LAMA3: variants seen among roughly 807,000 people sequenced by gnomAD.
The protein encoded by LAMA3 is laminin subunit alpha 3.
In LAMA3, 281 loss-of-function variants were observed where a neutral mutation model predicts 402.0. The observed-to-expected ratio is 0.70, with a 90% CI of 0.63 to 0.77. The LOEUF (loss-of-function observed/expected upper bound fraction) is 0.77, where lower values mean the gene tolerates loss of function less well. Among genes scored for constraint, LAMA3 ranks in the 30% least tolerant of loss-of-function variants. LAMA3 has a pLI of 0.00. For synonymous variants in LAMA3, 1,431 were observed against 1,558.4 expected, an observed-to-expected ratio of 0.92 and a Z score of 1.93; for missense variants, 3,840 against 4,215.5, an observed-to-expected ratio of 0.91 and a Z score of 2.47.
intron 31 of LAMA3, among the ~76,000 whole-genome samples, chr18:23,846,984 G>T (rs1443821723): frequency 6.6e-6 from 1 of 152,182 alleles, no homozygotes; most frequent in Non-Finnish European, 1.5e-5. Flanking sequence ...GTGGTCCGAG[G>T]GGTAGGGTAA....
In LAMA3 at chr18:23,820,105, C is replaced by T. The variant is rs1259882101; in HGVS notation, c.2304+108C>T. 46 of 1,120,764 alleles carry T rather than the reference C, an allele frequency of 4.1e-5. 1 individual carries two copies. The highest frequency in any genetic ancestry group is 2.3e-4 in the Middle Eastern group (1 of 4,424). 69.4% of individuals were successfully genotyped at this position (1,120,764 alleles called of 1,614,324 possible). ...TGACCTGTCCCCAGAACTGATTCCA[C>T]GATTCTTTTTCTCTATATTATGGGT... is the stretch of plus-strand genomic sequence containing the variant. On this transcript the variant is annotated intron_variant, in intron 19 of 74. Coordinates refer to ENST00000313654, the MANE Select transcript of LAMA3 (RefSeq NM_198129.4).
chr18:23,724,822 G>A (rs2061270751), intron 2 of LAMA3, among the ~76,000 whole-genome samples: 1 of 152,104 alleles, frequency 6.6e-6, no homozygotes, highest in Admixed American at 6.5e-5. Flanking sequence ...GGCGTCTCAG[G>A]GGAGTCACTG....
chr18:23,797,981 G>C (rs192839484), intron 12 of LAMA3, among the ~76,000 whole-genome samples: 77 of 152,196 alleles, frequency 5.1e-4, no homozygotes, highest in African/African-American at 1.7e-3. Context: ...ATTTATGTTT[G>C]TGGGTTTTTT....
chr18:23,901,199 A>C lies in LAMA3; in HGVS notation c.6077A>C (p.Asp2026Ala). 1 of 1,614,218 alleles carries C rather than the reference A, an allele frequency of 6.2e-7. No individual in the cohort carries two copies. Among genetic ancestry groups the C allele is most frequent in the Non-Finnish European group, 8.5e-7 (1 of 1,180,030 alleles). Residue 2026 changes from aspartate to alanine, a missense_variant, in exon 48 of 75, where the codon GAT becomes GCT. Asp to Ala is a moderately radical substitution (Grantham distance 126, BLOSUM62 -2). This residue lies in a region of LAMA3 where 891 missense variants were observed against 857.5 expected (regional missense o/e 1.04). Transcript: ENST00000313654. ...AATGGGCTTGCTAACAGTATCCGGG[A>C]TTCTTTAAATGAATACGAAGCCAAA... is the stretch of plus-strand genomic sequence containing the variant. ...ENNGLANSIR[D>A]SLNEYEAKLS... is the part of the protein sequence containing the mutation.
intron 73 of LAMA3, among the ~76,000 whole-genome samples, chr18:23,952,401 C>T (rs1303847747): frequency 1.3e-5 from 2 of 152,126 alleles, no homozygotes; most frequent in African/African-American, 2.4e-5. Context: ...GCAAGCATTT[C>T]CTCTCAAAAA....
rs372134687 is a variant in LAMA3, at chr18:23,736,407, A to T, written c.448-11536A>T. Among the ~76,000 whole-genome samples the T allele has an allele frequency of 7.9e-5, 12 of 151,254 alleles. No homozygotes were observed. The East Asian group carries it at 1.9e-3, about 24-fold the overall frequency. On this transcript the variant is annotated intron_variant, in intron 2 of 74. Coordinates refer to ENST00000313654, the MANE Select transcript of LAMA3 (RefSeq NM_198129.4). ...GGTATTTGTATGGTCAATTAGTGAG[A>T]CTATCTTTCACATTGATCATATTGT...
intron 8 of LAMA3, among the ~76,000 whole-genome samples, chr18:23,772,278 G>A (rs1318763899): frequency 6.6e-6 from 1 of 152,180 alleles, no homozygotes; most frequent in African/African-American, 2.4e-5. Context: ...CTGACCTTGT[G>A]ACCCACCCAC....
intron 2 of LAMA3, among the ~76,000 whole-genome samples, chr18:23,729,214 G>A (rs2061350995): frequency 6.6e-6 from 1 of 151,734 alleles, no homozygotes; most frequent in Non-Finnish European, 1.5e-5. Context: ...CTGGAGTACA[G>A]AATAATATTC....
chr18:23,836,106 TACAC>T (rs10569981), intron 24 of LAMA3, among the ~76,000 whole-genome samples: 22,648 of 148,028 alleles, frequency 0.15, 1,699 homozygotes, highest in Middle Eastern at 0.27. Context: ...TTTTAATGGA[TACAC>T]ACACACACAC....
At chr18:23,913,244 G>T (rs2081496888) in intron 56 of LAMA3, among the ~76,000 whole-genome samples, 1 of 152,186 alleles carries the variant, frequency 6.6e-6, no homozygotes, top group South Asian at 2.1e-4. Context: ...TACCAAGGAG[G>T]AGTAGCTCCT....
In LAMA3 at chr18:23,918,952, C is replaced by T. The variant is rs1332026460; in HGVS notation, c.7924-1983C>T. 2.0e-5 allele frequency among the ~76,000 whole-genome samples: 3 copies of T among 152,220 alleles called. No homozygotes were observed. The highest frequency in any genetic ancestry group is 7.2e-5 in the African/African-American group (3 of 41,466). The stretch of plus-strand genomic sequence containing the variant: ...AAGGTCCCAGCCAGCCTGAAGGATA[C>T]ATAGAGCAGAGAAGTCATCCAGCAT... On this transcript the variant is annotated intron_variant, in intron 60 of 74. Transcript: ENST00000313654. The surrounding 1 kb of genome is among the most constrained non-coding windows in gnomAD (Gnocchi z 4.1).
chr18:23,849,876 A>G (rs2063905658), intron 32 of LAMA3, among the ~76,000 whole-genome samples: 1 of 152,246 alleles, frequency 6.6e-6, no homozygotes, highest in South Asian at 2.1e-4. Flanking sequence ...GCATCTTCCC[A>G]TGATCAAAGT....
At chr18:23,859,905 C>A (rs2064173938) in intron 34 of LAMA3, among the ~76,000 whole-genome samples, 1 of 152,166 alleles carries the variant, frequency 6.6e-6, no homozygotes, top group Admixed American at 6.5e-5. Flanking sequence ...GGCTACAAGC[C>A]CCCATCCTGA....
rs765510866 is a variant in LAMA3, at chr18:23,819,995, C to A, written c.2302C>A (p.Gln768Lys). 3.7e-6 allele frequency: 6 copies of A among 1,614,016 alleles called. No homozygotes were observed. The highest frequency in any genetic ancestry group is 5.1e-6 in the Non-Finnish European group (6 of 1,179,946). The stretch of plus-strand genomic sequence containing the variant: ...AGGATATGCCCAAATGACCTCAGTA[C>A]AGGTACGCAACCCGAAGAGAGCAGC... ...WRGYAQMTSV[Q>K]NDVRITLNVG... Residue 768 changes from glutamine to lysine, a missense_variant and splice_region_variant, in exon 19 of 75, where the codon CAG (glutamine) becomes AAG (lysine). Gln to Lys is a moderately conservative substitution (Grantham distance 53). Transcript: ENST00000313654.
chr18:23,821,416 C>T (rs1161156033), intron 19 of LAMA3, among the ~76,000 whole-genome samples: 4 of 152,150 alleles, frequency 2.6e-5, no homozygotes, highest in Admixed American at 6.5e-5. Context: ...ACCAATATCT[C>T]GCTTAAAAAA....
At chr18:23,892,528 T>A (rs1488976911) in intron 42 of LAMA3, among the ~76,000 whole-genome samples, 2 of 152,114 alleles carry the variant, frequency 1.3e-5, no homozygotes, top group Non-Finnish European at 2.9e-5. Context: ...TTGAAAATTG[T>A]CAAGGAAACA....
At chr18:23,752,272 C>G (rs1443586370) in intron 5 of LAMA3, among the ~76,000 whole-genome samples, 1 of 152,090 alleles carries the variant, frequency 6.6e-6, no homozygotes, top group Non-Finnish European at 1.5e-5. Context: ...TTCTGTTCCT[C>G]CATGTGCCCT....
At chr18:23,797,551 T>A (rs2062788215) in intron 12 of LAMA3, among the ~76,000 whole-genome samples, 1 of 152,088 alleles carries the variant, frequency 6.6e-6, no homozygotes, top group African/African-American at 2.4e-5. Flanking sequence ...CCGTCTCTAC[T>A]AAACAATACA....
chr18:23,928,537 T>G (rs2082074311), intron 63 of LAMA3, 88 bp from the exon 64 acceptor site: 3 of 1,255,246 alleles, frequency 2.4e-6, no homozygotes, highest in Admixed American at 1.7e-5. Context: ...CATTAATCAG[T>G]TTGAGTAAAG....
Sources: allele counts gnomAD v4.1 joint callset (sites outside exome capture counted in the v4.1 genomes callset), GRCh38; gene constraint gnomAD v4.1.1; regional missense constraint gnomAD v4.1.1; non-coding constraint Gnocchi (gnomAD v3.1); transcripts MANE v1.5; gene names NCBI Gene and HGNC (gene_info 2026-07-23, HGNC 2026-07-21).